The following MEMO1 variants were observed in gnomAD, a reference collection of about 807,000 sequenced individuals.
MEMO1 encodes mediator of cell motility 1.
Under a neutral mutation model 45.2 loss-of-function variants are expected in MEMO1, and 6 were observed. The ratio of observed to expected loss-of-function variants is 0.13; its 90% confidence interval spans 0.07 to 0.26. MEMO1 has a LOEUF of 0.26. Ranked by LOEUF, MEMO1 falls within the 10% of genes least tolerant of loss-of-function variation. The pLI is 1.00. For missense variants in MEMO1, 184 were observed against 370.5 expected, an observed-to-expected ratio of 0.50 and a Z score of 4.13; for synonymous variants, 78 against 124.3, an observed-to-expected ratio of 0.63 and a Z score of 2.48.
At chr2:31,913,941 A>C (rs1400457127) in intron 6 of MEMO1, among the ~76,000 whole-genome samples, 1 of 152,174 alleles carries the variant, frequency 6.6e-6, no homozygotes, top group Non-Finnish European at 1.5e-5. Flanking sequence ...ATGAGGCATA[A>C]GTGATGCTGT....
chr2:31,914,489 T>C (rs1173975382), intron 6 of MEMO1, among the ~76,000 whole-genome samples: 8 of 152,154 alleles, frequency 5.3e-5, no homozygotes, highest in African/African-American at 1.4e-4. Flanking sequence ...ACTAAAAGAA[T>C]ATAACTGGAT....
At chr2:32,002,689 A>C (rs2148604592) in intron 2 of MEMO1, among the ~76,000 whole-genome samples, 1 of 152,310 alleles carries the variant, frequency 6.6e-6, no homozygotes, top group Middle Eastern at 3.4e-3. Context: ...TTTGAAGATT[A>C]GGGATTATAT....
rs576958738 is a variant in MEMO1 at position 31,918,650 on chromosome 2, G to A, written c.326-613C>T. Reference sequence around the variant, plus strand: ...CAAAATATAAATTCGCCACAATACCGTCCCAACTTTAAAACACCTAGTAAT... The same window carrying A: ...CAAAATATAAATTCGCCACAATACCATCCCAACTTTAAAACACCTAGTAAT... On this transcript the variant is annotated intron_variant, in intron 5 of 9. Coordinates refer to ENST00000404530, the MANE Select transcript of MEMO1 (RefSeq NM_001301833.4). Among the ~76,000 whole-genome samples the A allele has an allele frequency of 1.4e-4, 21 of 152,172 alleles. No individual in the cohort carries two copies. In the South Asian group the frequency reaches 1.5e-3, roughly 11 times the overall value.
At chr2:31,945,943 G>A (rs563570205) in intron 2 of MEMO1, among the ~76,000 whole-genome samples, 1 of 152,278 alleles carries the variant, frequency 6.6e-6, no homozygotes, top group Non-Finnish European at 1.5e-5. Context: ...GTATGTAATG[G>A]GTTACATCCA....
At chr2:31,918,916 G>C (rs946468452) in intron 5 of MEMO1, among the ~76,000 whole-genome samples, 1 of 151,932 alleles carries the variant, frequency 6.6e-6, no homozygotes, top group Non-Finnish European at 1.5e-5. Context: ...AAAATTTTCT[G>C]AATGCCCCAA....
At chr2:31,946,944 T>C (rs964180667) in intron 2 of MEMO1, among the ~76,000 whole-genome samples, 1 of 152,216 alleles carries the variant, frequency 6.6e-6, no homozygotes, top group South Asian at 2.1e-4. Flanking sequence ...TAGTATTCCA[T>C]ACAGTAACAT....
intron 4 of MEMO1, among the ~76,000 whole-genome samples, chr2:31,926,393 A>C (rs1470162619): frequency 5.0e-5 from 7 of 140,340 alleles, no homozygotes; most frequent in South Asian, 4.6e-4. Context: ...AAAAAAAAAA[A>C]CAGAATCTAG....
At chr2:31,913,969 A>G (rs1174856191) in intron 6 of MEMO1, among the ~76,000 whole-genome samples, 1 of 152,136 alleles carries the variant, frequency 6.6e-6, no homozygotes, top group Non-Finnish European at 1.5e-5. Context: ...CTAGACTTCG[A>G]TATTAAGAGG....
At chr2:31,919,005 C>T (rs1050414374) in intron 5 of MEMO1, among the ~76,000 whole-genome samples, 2 of 151,918 alleles carry the variant, frequency 1.3e-5, no homozygotes, top group Non-Finnish European at 1.5e-5. Flanking sequence ...ATTAATAAGA[C>T]GCATTAACAA....
At chr2:31,878,623 CA>C (rs1674914114) in intron 8 of MEMO1, among the ~76,000 whole-genome samples, 1 of 152,040 alleles carries the variant, frequency 6.6e-6, no homozygotes, top group African/African-American at 2.4e-5. Flanking sequence ...GGTGTTTGAG[CA>C]CGTGCTTCTG....
intron 7 of MEMO1, among the ~76,000 whole-genome samples, chr2:31,889,751 C>A (rs773070603): frequency 2.0e-5 from 3 of 151,912 alleles, no homozygotes; most frequent in African/African-American, 4.8e-5. Context: ...AGTAGTAGCA[C>A]GGTGCTTTCC....
At position 31,944,379 on chromosome 2, in the gene MEMO1, T is replaced by C. The variant is rs75724447; in HGVS notation, c.62-996A>G. Among the ~76,000 whole-genome samples the C allele has an allele frequency of 6.5e-3, 983 of 152,308 alleles. 4 individuals are homozygous for C. Among genetic ancestry groups the C allele is most frequent in the Non-Finnish European group, 0.01 (690 of 68,024 alleles). On this transcript the variant is annotated intron_variant, in intron 2 of 9. Transcript: ENST00000404530. The stretch of plus-strand genomic sequence containing the variant: ...AAGATAATGATCAATGCTTTTCATT[T>C]TGTCAAGGAAAAACAATCAGAAGTT...
At chr2:31,995,432 C>A (rs980589419) in intron 2 of MEMO1, among the ~76,000 whole-genome samples, 7 of 151,808 alleles carry the variant, frequency 4.6e-5, no homozygotes, top group African/African-American at 1.7e-4. Context: ...CCAGCCTGGG[C>A]AATAGAGTGA....
chr2:31,893,821 C>A (rs1217492324), intron 6 of MEMO1, among the ~76,000 whole-genome samples: 2 of 152,124 alleles, frequency 1.3e-5, no homozygotes, highest in Non-Finnish European at 2.9e-5. Context: ...GCCATTAATC[C>A]CTTCAATTAA....
intron 8 of MEMO1, among the ~76,000 whole-genome samples, chr2:31,871,239 T>C (rs1168025481): frequency 6.6e-6 from 1 of 152,212 alleles, no homozygotes; most frequent in Non-Finnish European, 1.5e-5. Flanking sequence ...ATGCAAATGG[T>C]GGTTTAACTA....
At chr2:31,948,032 T>C (rs1187787912) in intron 2 of MEMO1, among the ~76,000 whole-genome samples, 2 of 152,234 alleles carry the variant, frequency 1.3e-5, no homozygotes, top group Admixed American at 6.5e-5. Flanking sequence ...ATTCTGATCC[T>C]ACAGTTATAC....
chr2:31,882,301 A>T (rs1367076142), intron 8 of MEMO1, among the ~76,000 whole-genome samples: 1 of 152,144 alleles, frequency 6.6e-6, no homozygotes, highest in Non-Finnish European at 1.5e-5. Context: ...TCAGTAACGG[A>T]ATGAGTCCCT....
At chr2:31,939,324 A>G (rs1665335908) in intron 3 of MEMO1, among the ~76,000 whole-genome samples, 1 of 152,226 alleles carries the variant, frequency 6.6e-6, no homozygotes, top group African/African-American at 2.4e-5. Context: ...ATACAAAGTC[A>G]GCATGTCACA....
intron 6 of MEMO1, among the ~76,000 whole-genome samples, chr2:31,910,306 A>G (rs1194412126): frequency 6.6e-6 from 1 of 152,216 alleles, no homozygotes; most frequent in African/African-American, 2.4e-5. Flanking sequence ...TCAGAAAACT[A>G]TATCTACATA....
Sources: gnomAD v4.1 joint callset for allele counts (sites outside exome capture counted in the v4.1 genomes callset) on GRCh38, gnomAD v4.1.1 for gene constraint, MANE v1.5 for transcripts, NCBI Gene and HGNC (gene_info 2026-07-23, HGNC 2026-07-21) for gene names.